The following BDH1 variants were observed in gnomAD, a reference collection of about 807,000 sequenced individuals.
The protein encoded by BDH1 is 3-hydroxybutyrate dehydrogenase 1.
Under a neutral mutation model 33.1 loss-of-function variants are expected in BDH1, and 30 were observed. The observed-to-expected ratio is 0.91, with a 90% CI of 0.68 to 1.23. The LOEUF is 1.23. BDH1 is among the 50% of genes most tolerant of loss of function. The pLI is 0.00. For synonymous variants in BDH1, 190 were observed against 183.6 expected (o/e 1.03, Z -0.28); for missense variants, 443 against 464.4 (o/e 0.95, Z 0.42).
intron 5 of BDH1, chr3:197,529,803 A>C (rs1449152850): frequency 6.6e-6 from 1 of 152,204 alleles, no homozygotes; most frequent in Admixed American, 6.5e-5. Context: ...ATCAAATATT[A>C]CAAAGATATC....
intron 1 of BDH1, among the ~76,000 whole-genome samples, chr3:197,567,987 C>G (rs1717488922): frequency 6.6e-6 from 1 of 152,194 alleles, no homozygotes; most frequent in African/African-American, 2.4e-5. Context: ...CTAGCTCACA[C>G]TCTCCTCCAA....
chr3:197,531,052 A>C lies in BDH1; in HGVS notation c.267+1360T>G, dbSNP rs369388867. 5.9e-5 allele frequency among the ~76,000 whole-genome samples: 9 copies of C among 152,382 alleles called. No homozygotes were observed. In the South Asian group the frequency reaches 1.5e-3, roughly 25 times the overall value. On this transcript the variant is annotated intron_variant, in intron 5 of 7. Coordinates refer to ENST00000392379, the MANE Select transcript of BDH1 (RefSeq NM_203314.3). ...ATAAATGGCATTATATTTCAAATAA[A>C]TAATACAGCGATAAAGAAAAAACAA...
chr3:197,571,730 C>G, intron 1 of BDH1, among the ~76,000 whole-genome samples: 1 of 152,130 alleles, frequency 6.6e-6, no homozygotes, highest in Non-Finnish European at 1.5e-5. Flanking sequence ...TTGGGTATGC[C>G]TTTATCAGCA....
intron 5 of BDH1, chr3:197,530,034 T>C (rs1714496949): frequency 6.6e-6 from 1 of 152,184 alleles, no homozygotes; most frequent in Non-Finnish European, 1.5e-5. Context: ...TAAGGCCATG[T>C]GACTAAGTTC....
intron 5 of BDH1, chr3:197,530,430 G>C (rs1174789405): frequency 1.3e-5 from 2 of 151,998 alleles, no homozygotes. Context: ...ACAAAAATTA[G>C]CCAGATGTGG....
chr3:197,569,975 T>C (rs1717556192), intron 1 of BDH1, among the ~76,000 whole-genome samples: 1 of 152,148 alleles, frequency 6.6e-6, no homozygotes, highest in African/African-American at 2.4e-5. Flanking sequence ...TGTGAAAAAG[T>C]TTGGAACTTC....
chr3:197,518,482 C>T (rs1259767958), intron 6 of BDH1, among the ~76,000 whole-genome samples: 11 of 42,640 alleles, frequency 2.6e-4, no homozygotes, highest in Admixed American at 7.2e-4. Context: ...CTGACCCCCC[C>T]GATCAGTCAC....
intron 3 of BDH1, among the ~76,000 whole-genome samples, chr3:197,542,521 C>CTTTTTTTTTTTTTTTTTTTTTTTTTTT (rs71164295): frequency 4.7e-5 from 5 of 106,422 alleles, no homozygotes; most frequent in East Asian, 5.0e-4. Flanking sequence ...TTCTTGCTTG[C>CTTTTTTTTTTTTTTTTTTTTTTTTTTT]TTTTTTTTTT....
In BDH1 at chr3:197,521,257, C is replaced by T. The variant is rs556063291; in HGVS notation, c.409+1383G>A. On this transcript the variant is annotated intron_variant, in intron 6 of 7. Transcript: ENST00000392379. This position sits in a 1 kb window ranked among gnomAD's most constrained non-coding sequence, Gnocchi z 4.9. ...ATTCGCTTCTCCAGATGCTGCTGGG[C>T]GGCCCGGCTCCAGGGAGCTCCATCC... Among the ~76,000 whole-genome samples the T allele has an allele frequency of 2.8e-4, 43 of 152,268 alleles. No homozygotes were observed. Among genetic ancestry groups the T allele is most frequent in the Non-Finnish European group, 4.4e-4 (30 of 68,020 alleles).
At chr3:197,561,162 C>T (rs1366609845) in intron 1 of BDH1, among the ~76,000 whole-genome samples, 1 of 152,150 alleles carries the variant, frequency 6.6e-6, no homozygotes, top group Non-Finnish European at 1.5e-5. Context: ...TGGAGGGATT[C>T]TGAGTGGAGA....
In BDH1 at chr3:197,521,509, C is replaced by T. The variant is rs1713547502; in HGVS notation, c.409+1131G>A. 1.3e-5 allele frequency among the ~76,000 whole-genome samples: 2 copies of T among 152,282 alleles called. No individual in the cohort carries two copies. Among genetic ancestry groups the T allele is most frequent in the South Asian group, 4.1e-4 (2 of 4,828 alleles). ...CTCTCTGACAGCTGCCTCTCCCCCT[C>T]CTCTGATCCCCGAACACTCACATTC... On this transcript the variant is annotated intron_variant, in intron 6 of 7. Coordinates refer to ENST00000392379, the MANE Select transcript of BDH1 (RefSeq NM_203314.3). This position sits in a 1 kb window ranked among gnomAD's most constrained non-coding sequence, Gnocchi z 4.9.
At chr3:197,545,090 T>A (rs750015947) in intron 3 of BDH1, among the ~76,000 whole-genome samples, 2 of 152,128 alleles carry the variant, frequency 1.3e-5, no homozygotes, top group African/African-American at 2.4e-5. Flanking sequence ...GTGTTCTAGA[T>A]CCTGGGACTT....
At chr3:197,550,653 C>T (rs1439761674) in intron 2 of BDH1, among the ~76,000 whole-genome samples, 1 of 152,150 alleles carries the variant, frequency 6.6e-6, no homozygotes, top group Non-Finnish European at 1.5e-5. Flanking sequence ...GGCAGCTACA[C>T]TCCACTGGGC....
At chr3:197,541,701 C>G (rs2483) in intron 3 of BDH1, among the ~76,000 whole-genome samples, 23,641 of 151,926 alleles carry the variant, frequency 0.16, 2,602 homozygotes, top group African/African-American at 0.31. Context: ...CTTTGCCTAG[C>G]CTCACTCCTG....
In BDH1 at chr3:197,546,381, A is replaced by G. The variant is rs752276033; in HGVS notation, c.63T>C (p.Cys21=). 23 of 1,613,820 alleles carry G rather than the reference A, an allele frequency of 1.4e-5. No individual in the cohort carries two copies. Among genetic ancestry groups the G allele is most frequent in the African/African-American group, 5.3e-5 (4 of 74,856 alleles). ...CTTACCTTGCTCCATTTTCTCTATC[A>G]CAGGCACTTAGGGTTTTTCCTGGGA... is the stretch of plus-strand genomic sequence containing the variant. ...SRLPGKTLSA[C]DRENGARRPL... The change falls in exon 3 of 8, where the codon TGT becomes TGC. Residue 21 remains cysteine (C), a synonymous_variant. Transcript: ENST00000392379.
In BDH1 at chr3:197,516,641, G is replaced by A. The variant is rs985417935; in HGVS notation, c.410-2225C>T. Among the ~76,000 whole-genome samples, 1 of 151,932 alleles carries A rather than the reference G, an allele frequency of 6.6e-6. No individual in the cohort carries two copies. Among genetic ancestry groups the A allele is most frequent in the Middle Eastern group, 3.2e-3 (1 of 316 alleles). On this transcript the variant is annotated intron_variant, in intron 6 of 7. Coordinates refer to ENST00000392379, the MANE Select transcript of BDH1 (RefSeq NM_203314.3). This position sits in a 1 kb window ranked among gnomAD's most constrained non-coding sequence, Gnocchi z 4.2. ...TCTCCTGTCTCGCTTCCACCTGAAT[G>A]TCCCACGGGTCCCTGACTCACCCTA...
At chr3:197,543,193 A>T (rs73085606) in intron 3 of BDH1, 1 of 985,184 alleles carries the variant, frequency 1.0e-6, no homozygotes, top group Non-Finnish European at 1.2e-6. Flanking sequence ...GGAGGAACAC[A>T]TATCAGTGGC....
chr3:197,516,954 C>T lies in BDH1; in HGVS notation c.410-2538G>A, dbSNP rs1379343821. Among the ~76,000 whole-genome samples, 1 of 152,136 alleles carries T rather than the reference C, an allele frequency of 6.6e-6. No individual in the cohort carries two copies. Among genetic ancestry groups the T allele is most frequent in the East Asian group, 1.9e-4 (1 of 5,194 alleles). ...ACTGAAGCTCAGAGAGGTTAAGCACCTTGGTCAATGTCACCCAGCTAACAG... is the reference window on the plus strand; with the variant it reads ...ACTGAAGCTCAGAGAGGTTAAGCACTTTGGTCAATGTCACCCAGCTAACAG... On this transcript the variant is annotated intron_variant, in intron 6 of 7. Transcript: ENST00000392379. This position sits in a 1 kb window ranked among gnomAD's most constrained non-coding sequence, Gnocchi z 4.2.
Position 197,532,465 on chromosome 3 carries a change from C to T in BDH1, c.214G>A (p.Ala72Thr), listed in dbSNP as rs764544382. 6.2e-7 allele frequency: 1 copy of T among 1,614,220 alleles called. No homozygotes were observed. Among genetic ancestry groups the T allele is most frequent in the East Asian group, 2.2e-5 (1 of 44,894 alleles). Residue 72 changes from alanine (A) to threonine (T), a missense_variant, in exon 5 of 8, where the codon GCC becomes ACC. By Grantham distance (58) the Ala-to-Thr change is moderately conservative. Coordinates refer to ENST00000392379, the MANE Select transcript of BDH1 (RefSeq NM_203314.3). ...AAGCCTTTTGAATGCAGATGCTTGG[C>T]CAATGAGAACCCAAATCCAGAGTCA... ...GCDSGFGFSLAKHLHSKGFLV... is the reference protein window; with the variant it reads ...GCDSGFGFSLTKHLHSKGFLV...
Sources: gnomAD v4.1 joint callset for allele counts (sites outside exome capture counted in the v4.1 genomes callset) on GRCh38, gnomAD v4.1.1 for gene constraint, Gnocchi (gnomAD v3.1) non-coding constraint, MANE v1.5 for transcripts, NCBI Gene and HGNC (gene_info 2026-07-23, HGNC 2026-07-21) for gene names.